The following TRMT11 variants were observed in gnomAD, a reference collection of about 807,000 sequenced individuals.
The protein encoded by TRMT11 is tRNA methyltransferase 11.
TRMT11 carries 53 observed loss-of-function variants against 62.8 expected under a neutral mutation model. The observed-to-expected ratio is 0.84, with a 90% CI of 0.68 to 1.06. The LOEUF (loss-of-function observed/expected upper bound fraction) is 1.06, where lower values mean the gene tolerates loss of function less well. TRMT11 is among the 50% of genes least tolerant of loss of function. The pLI, the probability that TRMT11 is intolerant of heterozygous loss-of-function variation, is 0.00. For synonymous variants in TRMT11, 188 were observed against 190.3 expected (o/e 0.99, Z 0.10); for missense variants, 556 against 553.4 (o/e 1.00, Z -0.05).
the TRMT11 span, among the ~76,000 whole-genome samples, chr6:126,235,489 G>A: frequency 6.6e-6 from 1 of 152,222 alleles, no homozygotes; most frequent in Non-Finnish European, 1.5e-5. Flanking sequence ...TAAAGAAAAT[G>A]TGGTACATAT....
At chr6:126,070,701 A>G (rs1439493008) in intron 17 of TRMT11, among the ~76,000 whole-genome samples, 1 of 152,248 alleles carries the variant, frequency 6.6e-6, no homozygotes, top group East Asian at 1.9e-4. Context: ...AGCAATAATG[A>G]CAATATAATA....
rs187391296 is a variant in TRMT11 at position 126,196,396 on chromosome 6, A to G, written n.144-2403A>G. On this transcript the variant is annotated intron_variant and non_coding_transcript_variant, in intron 1 of 3. Coordinates refer to the TRMT11 transcript ENST00000444229. ...GGTTTATCACCTAAGTTGTAAAATA[A>G]CATCAAGAAAGCTCCCTTAATTGGG... is the stretch of plus-strand genomic sequence containing the variant. Among the ~76,000 whole-genome samples, 810 of 152,320 alleles carry G rather than the reference A, an allele frequency of 5.3e-3. 8 individuals are homozygous for G. The highest frequency in any genetic ancestry group is 0.018 in the African/African-American group (730 of 41,572).
At chr6:126,212,464 T>G in the TRMT11 span, among the ~76,000 whole-genome samples, 1 of 152,176 alleles carries the variant, frequency 6.6e-6, no homozygotes, top group African/African-American at 2.4e-5. Context: ...AAAAGTCATT[T>G]TAACTGTTGT....
intron 1 of TRMT11, among the ~76,000 whole-genome samples, chr6:126,180,820 G>A (rs1778453683): frequency 6.6e-6 from 1 of 152,102 alleles, no homozygotes; most frequent in Admixed American, 6.6e-5. Context: ...CTGTCCTATT[G>A]TCTTTTCATG....
At chr6:126,246,050 T>C in the TRMT11 span, among the ~76,000 whole-genome samples, 3 of 152,094 alleles carry the variant, frequency 2.0e-5, no homozygotes, top group South Asian at 6.2e-4. Flanking sequence ...AAGCCCAGAT[T>C]CGTGCAAATT....
downstream of TRMT11, among the ~76,000 whole-genome samples, chr6:126,203,015 T>TC (rs1347845134): frequency 6.6e-6 from 1 of 152,204 alleles, no homozygotes; most frequent in Non-Finnish European, 1.5e-5. Flanking sequence ...TTCTTGCTCT[T>TC]CAGCAAAGTA....
At chr6:126,019,241 T>A (rs987579683) in intron 11 of TRMT11, among the ~76,000 whole-genome samples, 11 of 152,214 alleles carry the variant, frequency 7.2e-5, no homozygotes, top group African/African-American at 2.7e-4. Flanking sequence ...AGTGTATTGT[T>A]AAATTAATTG....
chr6:126,008,769 G>C, intron 8 of TRMT11: 1 of 557,062 alleles, frequency 1.8e-6, no homozygotes, highest in Non-Finnish European at 3.4e-6. Flanking sequence ...TAGGCTGTTA[G>C]TAGTTAAGTT....
chr6:126,213,142 C>G, the TRMT11 span, among the ~76,000 whole-genome samples: 1 of 151,888 alleles, frequency 6.6e-6, no homozygotes. Flanking sequence ...TCTGTTTTTA[C>G]GCCAGCACCA....
chr6:126,236,002 G>A, the TRMT11 span, among the ~76,000 whole-genome samples: 1 of 152,202 alleles, frequency 6.6e-6, no homozygotes, highest in East Asian at 1.9e-4. Context: ...ATGTCACCAA[G>A]CCTTATCCAG....
At chr6:126,125,931 C>T (rs1335412298) in intron 21 of TRMT11, among the ~76,000 whole-genome samples, 1 of 152,094 alleles carries the variant, frequency 6.6e-6, no homozygotes. Flanking sequence ...CATGCATGCA[C>T]ATTCTGATTT....
the TRMT11 span, among the ~76,000 whole-genome samples, chr6:126,232,273 A>T: frequency 2.8e-4 from 42 of 152,094 alleles, no homozygotes; most frequent in Non-Finnish European, 5.3e-4. Context: ...CTACAAAAGT[A>T]AGAGATTCCC....
chr6:126,102,782 AT>A (rs1229238108), intron 17 of TRMT11, among the ~76,000 whole-genome samples: 1 of 152,122 alleles, frequency 6.6e-6, no homozygotes, highest in Non-Finnish European at 1.5e-5. Flanking sequence ...ACTGGCAATA[AT>A]AATAGCAAAC....
intron 11 of TRMT11, among the ~76,000 whole-genome samples, chr6:126,016,262 T>C (rs1001323681): frequency 1.1e-4 from 16 of 152,204 alleles, no homozygotes; most frequent in Admixed American, 7.2e-4. Flanking sequence ...TATAGTGGTA[T>C]GGAGTCATGG....
chr6:126,117,349 C>T (rs188784501), intron 21 of TRMT11, among the ~76,000 whole-genome samples: 1 of 152,154 alleles, frequency 6.6e-6, no homozygotes. Flanking sequence ...CAAATAGTCT[C>T]ATCTGCTTTT....
chr6:126,072,759 C>G (rs1311573632), intron 17 of TRMT11, among the ~76,000 whole-genome samples: 1 of 152,102 alleles, frequency 6.6e-6, no homozygotes, highest in African/African-American at 2.4e-5. Context: ...GCAGATGTGT[C>G]TTATTGTATC....
At chr6:126,068,065 G>C (rs1776741385) in intron 17 of TRMT11, among the ~76,000 whole-genome samples, 1 of 152,072 alleles carries the variant, frequency 6.6e-6, no homozygotes, top group Non-Finnish European at 1.5e-5. Context: ...CTAATGATGA[G>C]AACCTCTTCC....
At chr6:126,010,801 C>CT (rs1239876819) in intron 8 of TRMT11, among the ~76,000 whole-genome samples, 1 of 152,140 alleles carries the variant, frequency 6.6e-6, no homozygotes, top group Non-Finnish European at 1.5e-5. Flanking sequence ...TCCACTCCCA[C>CT]TTTAACTTTC....
At chr6:126,006,326 T>C (rs926134141) in intron 7 of TRMT11, among the ~76,000 whole-genome samples, 2 of 152,004 alleles carry the variant, frequency 1.3e-5, no homozygotes, top group Non-Finnish European at 2.9e-5. Context: ...CAAAGCCCAG[T>C]CTCTCATTTC....
Sources: gnomAD v4.1 joint callset for allele counts (sites outside exome capture counted in the v4.1 genomes callset) on GRCh38, gnomAD v4.1.1 for gene constraint, MANE v1.5 for transcripts, NCBI Gene and HGNC (gene_info 2026-07-23, HGNC 2026-07-21) for gene names.